The following TADA2A variants were observed in gnomAD, a reference collection of about 807,000 sequenced individuals.
TADA2A encodes the protein transcriptional adapter 2-alpha.
Under a neutral mutation model 67.4 loss-of-function variants are expected in TADA2A, and 38 were observed. The ratio of observed to expected loss-of-function variants is 0.56; its 90% confidence interval spans 0.44 to 0.74. TADA2A has a LOEUF of 0.74. Ranked by LOEUF, TADA2A falls within the 30% of genes least tolerant of loss-of-function variation. TADA2A has a pLI of 0.00. For missense variants in TADA2A, 454 were observed against 547.0 expected (o/e 0.83, Z 1.70); for synonymous variants, 192 against 181.6 (o/e 1.06, Z -0.46).
At chr17:37,424,885 A>T (rs755991173) in intron 3 of TADA2A, among the ~76,000 whole-genome samples, 13 of 148,416 alleles carry the variant, frequency 8.8e-5, no homozygotes, top group Non-Finnish European at 1.5e-4. Flanking sequence ...TTTCCACGAC[A>T]GAGTCTTGCT....
chr17:37,450,288 G>A (rs1668676413), intron 8 of TADA2A, among the ~76,000 whole-genome samples: 1 of 152,100 alleles, frequency 6.6e-6, no homozygotes, highest in Non-Finnish European at 1.5e-5. Context: ...AAGCTTGGGG[G>A]GAAATGACTT....
chr17:37,411,124 GGAA>G, intron 1 of TADA2A, 142 bp from the exon 2 acceptor site: 1 of 578,986 alleles, frequency 1.7e-6, no homozygotes, highest in Non-Finnish European at 3.1e-6. Context: ...CCACTACAGA[GGAA>G]GAAACAGGTT....
intron 8 of TADA2A, among the ~76,000 whole-genome samples, chr17:37,457,239 G>C (rs530243564): frequency 7.2e-6 from 1 of 138,586 alleles, no homozygotes; most frequent in Admixed American, 8.1e-5. Context: ...GGAATGTAGT[G>C]GTGCCATCTC....
rs192594054 is a variant in TADA2A, at chr17:37,476,384, C to T, written c.1147-413C>T. Among the ~76,000 whole-genome samples the T allele has an allele frequency of 8.5e-3, 1,287 of 152,300 alleles. 6 individuals are homozygous for T. Among genetic ancestry groups the T allele is most frequent in the Admixed American group, 0.012 (176 of 15,300 alleles). ...GACACTAAAAACAATGTGATGCAGC[C>T]TTGAGAATCCAAGTGTCTGTGCATT... On this transcript the variant is annotated intron_variant, in intron 15 of 15. Coordinates refer to ENST00000615182, the MANE Select transcript of TADA2A (RefSeq NM_001166105.3).
chr17:37,457,566 C>T (rs1402554205), intron 8 of TADA2A, among the ~76,000 whole-genome samples: 3 of 137,164 alleles, frequency 2.2e-5, no homozygotes, highest in Admixed American at 1.6e-4. Flanking sequence ...GGCATGATCT[C>T]GGCTCACTGC....
chr17:37,442,636 G>A lies in TADA2A; in HGVS notation c.515G>A (p.Arg172Gln), dbSNP rs374860776. The change falls in exon 7 of 16, where the codon CGA becomes CAA. Residue 172 changes from arginine to glutamine, a missense_variant. Physicochemically the swap from Arg to Gln is conservative, Grantham distance 43. Transcript: ENST00000615182. ...GACATGGCCGGGTACATGCCAGCTC[G>A]AGCAGATTTCATTGAGGTAGGATAA... Reference protein sequence around the residue: ...SRDMAGYMPARADFIEEFDNY... With the variant: ...SRDMAGYMPAQADFIEEFDNY... 18 of 1,613,482 alleles carry A rather than the reference G, an allele frequency of 1.1e-5. No homozygotes were observed. Among genetic ancestry groups the A allele is most frequent in the Middle Eastern group, 1.6e-4 (1 of 6,084 alleles).
intron 4 of TADA2A, among the ~76,000 whole-genome samples, chr17:37,433,894 C>T (rs12943415): frequency 0.22 from 33,933 of 151,154 alleles, 3,967 homozygotes; most frequent in Middle Eastern, 0.35. Flanking sequence ...GTGGAGGTTG[C>T]GGTGAGCCGA....
At position 37,437,790 on chromosome 17, in the gene TADA2A, C is replaced by T; in HGVS notation, c.245C>T (p.Ala82Val). The T allele has an allele frequency of 3.1e-6, 5 of 1,614,156 alleles. No homozygotes were observed. Among genetic ancestry groups the T allele is most frequent in the Non-Finnish European group, 4.2e-6 (5 of 1,180,026 alleles). The change falls in exon 5 of 16, where the codon GCC (alanine) becomes GTC (valine). Residue 82 changes from alanine (A) to valine (V), a missense_variant. This residue lies in a region of TADA2A where 403 missense variants were observed against 455.5 expected (regional missense o/e 0.88). Transcript: ENST00000615182. ...AGCTGGACTGCTCAAGAAGAAATGG[C>T]CCTTTTAGAAGCTGTGATGGACTGT... ...DPSWTAQEEM[A>V]LLEAVMDCGF...
chr17:37,473,920 A>G (rs1456435839), intron 14 of TADA2A, among the ~76,000 whole-genome samples: 2 of 152,234 alleles, frequency 1.3e-5, no homozygotes, highest in African/African-American at 2.4e-5. Context: ...GTTAATTACC[A>G]TGTTTGCCTT....
chr17:37,477,044 T>C lies in TADA2A; in HGVS notation c.*62T>C. On this transcript the variant is annotated 3_prime_UTR_variant, in exon 16 of 16. Transcript: ENST00000615182. ...GAATGTGGTGGGTCAAAGGACAATA[T>C]GGGTGGGCATTCTGGAGAGTTGTTT... 4 of 1,497,758 alleles carry C rather than the reference T, an allele frequency of 2.7e-6. No homozygotes were observed. The highest frequency in any genetic ancestry group is 2.3e-5 in the East Asian group (1 of 43,716). 92.8% of individuals were successfully genotyped at this position (1,497,758 alleles called of 1,614,324 possible).
At chr17:37,445,300 C>T (rs2053043927) in intron 8 of TADA2A, among the ~76,000 whole-genome samples, 1 of 152,214 alleles carries the variant, frequency 6.6e-6, no homozygotes, top group Admixed American at 6.5e-5. Context: ...GAGTCTCACT[C>T]TGTTACACAG....
chr17:37,447,064 G>GTTA (rs1244246315), intron 8 of TADA2A, among the ~76,000 whole-genome samples: 1 of 152,178 alleles, frequency 6.6e-6, no homozygotes, highest in African/African-American at 2.4e-5. Context: ...TGGAACTTAT[G>GTTA]TTATTAATCT....
intron 12 of TADA2A, among the ~76,000 whole-genome samples, chr17:37,467,894 C>A (rs1006467257): frequency 6.6e-6 from 1 of 151,982 alleles, no homozygotes; most frequent in African/African-American, 2.4e-5. Flanking sequence ...CCAGCCTGAC[C>A]AACATGGTGA....
At chr17:37,458,717 C>T in intron 9 of TADA2A, 130 bp downstream of exon 9, 2 of 697,634 alleles carry the variant, frequency 2.9e-6, no homozygotes, top group African/African-American at 3.6e-5. Flanking sequence ...CACTCTGTTG[C>T]CCAGGCTGGA....
At chr17:37,436,668 A>G (rs965377182) in intron 4 of TADA2A, among the ~76,000 whole-genome samples, 16 of 151,796 alleles carry the variant, frequency 1.1e-4, no homozygotes, top group African/African-American at 3.9e-4. Context: ...CTAAAGTTTA[A>G]TATTATACTC....
intron 8 of TADA2A, chr17:37,454,955 T>A: frequency 5.4e-6 from 1 of 185,792 alleles, no homozygotes; most frequent in African/African-American, 2.4e-5. Context: ...CAGATCAGAT[T>A]CTTAAAGATT....
intron 14 of TADA2A, among the ~76,000 whole-genome samples, chr17:37,473,138 T>TC (rs2053826419): frequency 6.8e-6 from 1 of 147,154 alleles, no homozygotes; most frequent in Non-Finnish European, 1.5e-5. Flanking sequence ...TTTTTTTTTT[T>TC]TTTTTTTTTT....
At chr17:37,454,318 T>C (rs1231864750) in intron 8 of TADA2A, 1 of 112,158 alleles carries the variant, frequency 8.9e-6, no homozygotes, top group African/African-American at 3.3e-5. Context: ...TTTTTTTTTT[T>C]GGAGTCTTGC....
At chr17:37,446,628 A>T (rs954181461) in intron 8 of TADA2A, among the ~76,000 whole-genome samples, 3 of 151,936 alleles carry the variant, frequency 2.0e-5, no homozygotes, top group African/African-American at 7.3e-5. Context: ...ACAAATTTTT[A>T]AAATATTATT....
Sources: allele counts gnomAD v4.1 joint callset (sites outside exome capture counted in the v4.1 genomes callset), GRCh38; gene constraint gnomAD v4.1.1; regional missense constraint gnomAD v4.1.1; transcripts MANE v1.5; gene names NCBI Gene and HGNC (gene_info 2026-07-23, HGNC 2026-07-21).